Variants in TESPA1 observed in about 807,000 individuals in gnomAD.
The protein encoded by TESPA1 is protein TESPA1.
TESPA1 carries 33 observed loss-of-function variants against 57.9 expected under a neutral mutation model. The ratio of observed to expected loss-of-function variants is 0.57; its 90% CI spans 0.43 to 0.76. TESPA1 has a LOEUF of 0.76. TESPA1 is among the 30% of genes least tolerant of loss of function. The probability of loss-of-function intolerance (pLI) is 0.00; values close to 1 mark genes in which losing one functional copy is unlikely to be tolerated. For missense variants in TESPA1, 618 were observed against 632.9 expected (o/e 0.98, Z 0.25); for synonymous variants, 227 against 228.9 (o/e 0.99, Z 0.07).
In TESPA1 at chr12:54,961,279, A is replaced by AAGG; in HGVS notation, c.1468-13_1468-12insCCT. 6.2e-7 allele frequency: 1 copy of AAGG among 1,613,784 alleles called. No homozygotes were observed. On this transcript the variant is annotated splice_polypyrimidine_tract_variant and intron_variant, in intron 9 of 10. Transcript: ENST00000449076. Reference sequence around the variant, plus strand: ...CTGTTGCTTTGCACCTGTAACCAAGATCCCACAGAACTCAGCCAGAGCCAA... The same window carrying AAGG: ...CTGTTGCTTTGCACCTGTAACCAAGAAGGTCCCACAGAACTCAGCCAGAGCCAA...
chr12:54,973,075 T>C (rs1256681551), intron 3 of TESPA1, among the ~76,000 whole-genome samples: 4 of 152,162 alleles, frequency 2.6e-5, no homozygotes, highest in African/African-American at 9.7e-5. Flanking sequence ...GCAGTAGAAA[T>C]AAATAACACA....
chr12:54,954,701 T>C (rs1950624549), intron 10 of TESPA1, among the ~76,000 whole-genome samples: 1 of 151,868 alleles, frequency 6.6e-6, no homozygotes, highest in African/African-American at 2.4e-5. Context: ...TATTGTCTCA[T>C]ATAAGTCTTA....
chr12:54,954,570 G>T (rs1220413402), intron 10 of TESPA1, among the ~76,000 whole-genome samples: 1 of 152,226 alleles, frequency 6.6e-6, no homozygotes. Context: ...AGAAAGCAAT[G>T]TAAGAATTGC....
At chr12:54,981,477 G>A (rs995360552) in intron 1 of TESPA1, among the ~76,000 whole-genome samples, 2 of 151,370 alleles carry the variant, frequency 1.3e-5, no homozygotes, top group Non-Finnish European at 2.9e-5. Context: ...TGTAACTGAC[G>A]AGTTAACGGG....
At chr12:54,969,046 T>TATATATACAC (rs71070858) in intron 3 of TESPA1, among the ~76,000 whole-genome samples, 6 of 124,478 alleles carry the variant, frequency 4.8e-5, no homozygotes, top group African/African-American at 1.6e-4. Flanking sequence ...TATATATATA[T>TATATATACAC]GTGTGTGTGT....
At position 54,967,288 on chromosome 12, in the gene TESPA1, C is replaced by T. The variant is rs1951503637; in HGVS notation, c.257-52G>A. ...AGAAAACCAGGATGGAACATATACA[C>T]ATGCACATGCACACCCCTGCATACA... On this transcript the variant is annotated intron_variant, in intron 4 of 10. Transcript: ENST00000449076. 1.7e-5 allele frequency: 26 copies of T among 1,575,266 alleles called. No individual in the cohort carries two copies. In the South Asian group the frequency reaches 2.7e-4, roughly 17 times the overall value.
intron 1 of TESPA1, among the ~76,000 whole-genome samples, chr12:54,978,343 T>C (rs1336573792): frequency 6.6e-6 from 1 of 152,204 alleles, no homozygotes; most frequent in Non-Finnish European, 1.5e-5. Context: ...TTATTACGGT[T>C]TCAGTTTAAT....
At chr12:54,974,370 A>G in intron 2 of TESPA1, 30 bp downstream of exon 2, 4 of 1,552,126 alleles carry the variant, frequency 2.6e-6, no homozygotes, top group Non-Finnish European at 3.5e-6. Flanking sequence ...GCCAGACAAC[A>G]TAGACGCCTG....
At chr12:54,965,574 C>CT (rs1250002339) in intron 7 of TESPA1, among the ~76,000 whole-genome samples, 2 of 152,218 alleles carry the variant, frequency 1.3e-5, no homozygotes, top group African/African-American at 4.8e-5. Context: ...ACCACATTTT[C>CT]TTTATCCAGT....
chr12:54,982,153 C>T (rs1328923404), intron 1 of TESPA1, among the ~76,000 whole-genome samples: 2 of 152,222 alleles, frequency 1.3e-5, no homozygotes, highest in Admixed American at 6.5e-5. Context: ...GATTGTCCCC[C>T]ATTTGACATA....
At chr12:54,960,794 A>T (rs1167221657) in intron 10 of TESPA1, among the ~76,000 whole-genome samples, 3 of 152,182 alleles carry the variant, frequency 2.0e-5, no homozygotes, top group Non-Finnish European at 4.4e-5. Context: ...CTGGAACAGC[A>T]GTTCTCAGAC....
chr12:54,962,887 C>A lies in TESPA1; in HGVS notation c.1011G>T (p.Gly337=). Residue 337 remains glycine, a synonymous_variant, in exon 9 of 11, where the codon GGG becomes GGT. Coordinates refer to ENST00000449076, the MANE Select transcript of TESPA1 (RefSeq NM_001136030.3). ...KQFLQQDSDL[G]QFSQEDPVPP... is the part of the protein sequence containing the mutation. The stretch of plus-strand genomic sequence containing the variant: ...GCACAGGATCTTCCTGTGAGAATTG[C>A]CCCAAATCAGAGTCTTGCTGGAGGA... 1.2e-6 allele frequency: 2 copies of A among 1,613,672 alleles called. No individual in the cohort carries two copies. Among genetic ancestry groups the A allele is most frequent in the Non-Finnish European group, 1.7e-6 (2 of 1,179,726 alleles).
At chr12:54,974,660 T>A in intron 1 of TESPA1, 53 bp from the exon 2 acceptor site, 1 of 1,312,456 alleles carries the variant, frequency 7.6e-7, no homozygotes, top group South Asian at 1.9e-5. Flanking sequence ...GAAACCATCA[T>A]GATGCTCAGG....
Position 54,963,100 on chromosome 12 carries a change from G to A in TESPA1, c.798C>T (p.Ser266=). The change falls in exon 9 of 11, where the codon TCC becomes TCT. Residue 266 remains serine (S), a synonymous_variant. Transcript: ENST00000449076. The part of the protein sequence containing the change: ...WNCNHPTDVP[S]IRILSREPEP... ...CAGGCTCTCGGGACAGAATCCTGAT[G>A]GATGGCACATCAGTTGGATGGTTGC... The A allele has an allele frequency of 1.2e-6, 2 of 1,613,954 alleles. No homozygotes were observed. Among genetic ancestry groups the A allele is most frequent in the Non-Finnish European group, 1.7e-6 (2 of 1,179,886 alleles).
At chr12:54,974,771 CA>C (rs1952056854) in intron 1 of TESPA1, among the ~76,000 whole-genome samples, 164 bp from the exon 2 acceptor site, 1 of 151,910 alleles carries the variant, frequency 6.6e-6, no homozygotes, top group East Asian at 1.9e-4. Flanking sequence ...GTCTCTCCTG[CA>C]AAAAAGGAAT....
intron 10 of TESPA1, among the ~76,000 whole-genome samples, chr12:54,957,536 C>T (rs1950807672): frequency 6.6e-6 from 1 of 152,104 alleles, no homozygotes; most frequent in South Asian, 2.1e-4. Flanking sequence ...CTCTCCGCTT[C>T]TTGAGATTTC....
chr12:54,983,347 T>G (rs1184364660), intron 1 of TESPA1, among the ~76,000 whole-genome samples: 2 of 152,132 alleles, frequency 1.3e-5, no homozygotes, highest in African/African-American at 4.8e-5. Flanking sequence ...CTTCAGCTTG[T>G]TATTTCTGAT....
In TESPA1 at chr12:54,966,159, G is replaced by T; in HGVS notation, c.348-8C>A. On this transcript the variant is annotated splice_polypyrimidine_tract_variant and splice_region_variant and intron_variant, in intron 6 of 10. Coordinates refer to ENST00000449076, the MANE Select transcript of TESPA1 (RefSeq NM_001136030.3). ...GCTGTCTCGAGGAAACTCCTGCAGAGATCAAAGCTGATGTCATACAAATCT... is the reference window on the plus strand; with the variant it reads ...GCTGTCTCGAGGAAACTCCTGCAGATATCAAAGCTGATGTCATACAAATCT... 6.4e-7 allele frequency: 1 copy of T among 1,564,418 alleles called. No individual in the cohort carries two copies. The highest frequency in any genetic ancestry group is 8.7e-7 in the Non-Finnish European group (1 of 1,153,904).
Position 54,961,283 on chromosome 12 carries a change from C to T in TESPA1, c.1468-16G>A, listed in dbSNP as rs757768393. On this transcript the variant is annotated splice_polypyrimidine_tract_variant and intron_variant, in intron 9 of 10. Coordinates refer to ENST00000449076, the MANE Select transcript of TESPA1 (RefSeq NM_001136030.3). ...TGCTTTGCACCTGTAACCAAGATCC[C>T]ACAGAACTCAGCCAGAGCCAAGGGG... 4 of 1,613,582 alleles carry T rather than the reference C, an allele frequency of 2.5e-6. No individual in the cohort carries two copies. The East Asian group carries it at 6.7e-5, about 27-fold the overall frequency.
Sources: gnomAD v4.1 joint callset for allele counts (sites outside exome capture counted in the v4.1 genomes callset) on GRCh38, gnomAD v4.1.1 for gene constraint, MANE v1.5 for transcripts, NCBI Gene and HGNC (gene_info 2026-07-23, HGNC 2026-07-21) for gene names.